Variants in HS6ST3 observed in about 807,000 individuals in gnomAD.
HS6ST3 encodes the protein heparan sulfate 6-O-sulfotransferase 3, also known as heparan-sulfate 6-O-sulfotransferase 3.
In HS6ST3, 12 loss-of-function variants were observed where a neutral mutation model predicts 36.7. The ratio of observed to expected loss-of-function variants is 0.33; its 90% CI spans 0.21 to 0.53. HS6ST3 has a LOEUF of 0.53. Among genes scored for constraint, HS6ST3 ranks in the 20% least tolerant of loss-of-function variants. The pLI, the probability that HS6ST3 is intolerant of heterozygous loss-of-function variation, is 0.95. For missense variants in HS6ST3, 584 were observed against 640.9 expected (o/e 0.91, Z 0.96); for synonymous variants, 240 against 257.5 (o/e 0.93, Z 0.65).
At chr13:96,115,159 A>T (rs1594681312) in intron 1 of HS6ST3, among the ~76,000 whole-genome samples, 1 of 152,180 alleles carries the variant, frequency 6.6e-6, no homozygotes, top group East Asian at 1.9e-4. Context: ...ACAGACATGG[A>T]ACCCTGTTGA....
intron 1 of HS6ST3, among the ~76,000 whole-genome samples, chr13:96,544,342 T>C (rs1445689616): frequency 6.6e-6 from 1 of 152,108 alleles, no homozygotes; most frequent in Admixed American, 6.6e-5. Flanking sequence ...AACTGAAAAA[T>C]TTAATACAGA....
chr13:96,333,769 T>C (rs545432618), intron 1 of HS6ST3, among the ~76,000 whole-genome samples: 49 of 152,258 alleles, frequency 3.2e-4, no homozygotes, highest in Middle Eastern at 3.4e-3. Flanking sequence ...CATGAATAGA[T>C]GAAAGGCAAA....
intron 1 of HS6ST3, among the ~76,000 whole-genome samples, chr13:96,768,642 AC>A (rs1877181095): frequency 6.6e-6 from 1 of 152,198 alleles, no homozygotes; most frequent in East Asian, 1.9e-4. Flanking sequence ...GACTCTTCAC[AC>A]CACTTTGCTT....
chr13:96,488,280 T>A (rs2055925701), intron 1 of HS6ST3, among the ~76,000 whole-genome samples: 1 of 152,072 alleles, frequency 6.6e-6, no homozygotes, highest in African/African-American at 2.4e-5. Context: ...GCCAGAAACA[T>A]TCCTAATCTG....
intron 1 of HS6ST3, among the ~76,000 whole-genome samples, chr13:96,796,248 A>G (rs1877903745): frequency 6.6e-6 from 1 of 152,088 alleles, no homozygotes; most frequent in South Asian, 2.1e-4. Flanking sequence ...TCACATTTGA[A>G]CATTTCAAGC....
chr13:96,215,337 C>T (rs964818065), intron 1 of HS6ST3, among the ~76,000 whole-genome samples: 8 of 152,190 alleles, frequency 5.3e-5, no homozygotes, highest in Non-Finnish European at 7.3e-5. Context: ...CGAGACACAG[C>T]TTGGATAGCT....
At chr13:96,254,461 A>ACC in intron 1 of HS6ST3, among the ~76,000 whole-genome samples, 1 of 11,650 alleles carries the variant, frequency 8.6e-5, no homozygotes, top group Non-Finnish European at 1.8e-4. Context: ...ATATATATAT[A>ACC]TATATATATA....
chr13:96,607,022 C>G (rs1161844047), intron 1 of HS6ST3, among the ~76,000 whole-genome samples: 1 of 151,980 alleles, frequency 6.6e-6, no homozygotes, highest in Non-Finnish European at 1.5e-5. Flanking sequence ...AACTTGGAAG[C>G]AAGAAAACAG....
At chr13:96,300,281 T>C (rs1401949135) in intron 1 of HS6ST3, among the ~76,000 whole-genome samples, 1 of 151,886 alleles carries the variant, frequency 6.6e-6, no homozygotes, top group African/African-American at 2.4e-5. Context: ...GGTCTCAAAC[T>C]CTTGACCTCA....
chr13:96,279,378 T>C (rs1332637779), intron 1 of HS6ST3, among the ~76,000 whole-genome samples: 2 of 152,156 alleles, frequency 1.3e-5, no homozygotes, highest in Non-Finnish European at 2.9e-5. Flanking sequence ...GTAAACAAGG[T>C]ATATATGGTC....
intron 1 of HS6ST3, among the ~76,000 whole-genome samples, chr13:96,206,880 A>G (rs1354790777): frequency 1.3e-5 from 2 of 152,192 alleles, no homozygotes; most frequent in Non-Finnish European, 2.9e-5. Flanking sequence ...AGGAAACACC[A>G]TTCAGGACAT....
rs118117747 is a variant in HS6ST3 at position 96,262,763 on chromosome 13, G to A, written c.707+171194G>A. 1.3e-4 allele frequency among the ~76,000 whole-genome samples: 20 copies of A among 152,198 alleles called. No homozygotes were observed. In the East Asian group the frequency reaches 3.9e-3, roughly 29 times the overall value. ...CTCTTAAAAGAACAAGAACTAATCA[G>A]AAGTGACATCTGCAATTAAGTCAAA... On this transcript the variant is annotated intron_variant, in intron 1 of 1. Transcript: ENST00000376705.
chr13:96,115,189 A>G (rs924885641), intron 1 of HS6ST3, among the ~76,000 whole-genome samples: 1 of 152,168 alleles, frequency 6.6e-6, no homozygotes, highest in Non-Finnish European at 1.5e-5. Context: ...TTGTCACATT[A>G]TATTACATTT....
intron 1 of HS6ST3, among the ~76,000 whole-genome samples, chr13:96,651,791 T>C (rs922406490): frequency 2.6e-5 from 4 of 152,054 alleles, no homozygotes; most frequent in African/African-American, 9.7e-5. Flanking sequence ...CAAAGTTCAT[T>C]TGGACTCCAG....
intron 1 of HS6ST3, among the ~76,000 whole-genome samples, chr13:96,643,713 A>T (rs1470828768): frequency 2.6e-5 from 4 of 151,796 alleles, no homozygotes; most frequent in Non-Finnish European, 4.4e-5. Context: ...TAGACAGACC[A>T]AATAATGAAT....
At chr13:96,124,454 A>G (rs563785554) in intron 1 of HS6ST3, among the ~76,000 whole-genome samples, 2 of 151,964 alleles carry the variant, frequency 1.3e-5, no homozygotes, top group African/African-American at 2.4e-5. Context: ...TAGATATCAA[A>G]TAAATAACTA....
chr13:96,696,845 T>C (rs1296136092), intron 1 of HS6ST3, among the ~76,000 whole-genome samples: 1 of 152,066 alleles, frequency 6.6e-6, no homozygotes, highest in Non-Finnish European at 1.5e-5. Context: ...GACAGGGAAC[T>C]CAAGACCTGC....
intron 1 of HS6ST3, among the ~76,000 whole-genome samples, chr13:96,461,411 T>G (rs1399657682): frequency 6.6e-6 from 1 of 152,158 alleles, no homozygotes; most frequent in Non-Finnish European, 1.5e-5. Flanking sequence ...GAGCCTCTAC[T>G]ACATGCCAGA....
At chr13:96,094,614 T>C (rs989723870) in intron 1 of HS6ST3, among the ~76,000 whole-genome samples, 1 of 152,134 alleles carries the variant, frequency 6.6e-6, no homozygotes, top group Admixed American at 6.5e-5. Flanking sequence ...CTATCTGGAA[T>C]GGTGAGCGAG....
Sources: gnomAD v4.1 joint callset for allele counts (sites outside exome capture counted in the v4.1 genomes callset) on GRCh38, gnomAD v4.1.1 for gene constraint, MANE v1.5 for transcripts, NCBI Gene and HGNC (gene_info 2026-07-23, HGNC 2026-07-21) for gene names.